Variants in DHX57 observed in about 807,000 individuals in gnomAD.
DHX57 encodes the protein putative ATP-dependent RNA helicase DHX57.
DHX57 carries 105 observed loss-of-function variants against 156.2 expected under a neutral mutation model. That is an observed-to-expected ratio of 0.67 (90% CI 0.57 to 0.79). The LOEUF (loss-of-function observed/expected upper bound fraction) is 0.79. Among genes scored for constraint, DHX57 ranks in the 30% least tolerant of loss-of-function variants. DHX57 has a pLI of 0.00. For missense variants in DHX57, 1,847 were observed against 1,661.9 expected, an observed-to-expected ratio of 1.11 and a Z score of -1.94; for synonymous variants, 704 against 595.6, an observed-to-expected ratio of 1.18 and a Z score of -2.65.
chr2:38,874,318 T>A (rs997658831), intron 1 of DHX57, among the ~76,000 whole-genome samples: 1 of 151,952 alleles, frequency 6.6e-6, no homozygotes. Context: ...CTCGTACTCC[T>A]GAGCTCAAGC....
intron 1 of DHX57, among the ~76,000 whole-genome samples, chr2:38,872,263 A>C (rs1358712249): frequency 6.6e-6 from 1 of 152,256 alleles, no homozygotes; most frequent in Non-Finnish European, 1.5e-5. Flanking sequence ...CTACATTAGA[A>C]AATATTCACT....
rs115018178 is a variant in DHX57, at chr2:38,866,163, A to C, written c.224+2019T>G. On this transcript the variant is annotated intron_variant, in intron 2 of 23. Coordinates refer to ENST00000457308, the MANE Select transcript of DHX57 (RefSeq NM_198963.3). ...TCTGGCCAGACTGACTGATAATATCACACACCCTTGCCTCAAACCCTCCAA... is the reference window on the plus strand; with the variant it reads ...TCTGGCCAGACTGACTGATAATATCCCACACCCTTGCCTCAAACCCTCCAA... Among the ~76,000 whole-genome samples, 561 of 152,310 alleles carry C rather than the reference A, an allele frequency of 3.7e-3. 2 individuals carry two copies. The highest frequency in any genetic ancestry group is 6.0e-3 in the Non-Finnish European group (410 of 68,026).
intron 11 of DHX57, among the ~76,000 whole-genome samples, chr2:38,845,040 T>A (rs1445838387): frequency 6.6e-6 from 1 of 151,768 alleles, no homozygotes; most frequent in Non-Finnish European, 1.5e-5. Flanking sequence ...CTACTAAAAA[T>A]AAAAAAATTA....
At chr2:38,857,552 G>C (rs1672964341) in intron 6 of DHX57, among the ~76,000 whole-genome samples, 2 of 152,004 alleles carry the variant, frequency 1.3e-5, no homozygotes, top group Non-Finnish European at 1.5e-5. Context: ...GATGTTCTTT[G>C]GGTATTGTAC....
intron 12 of DHX57, among the ~76,000 whole-genome samples, chr2:38,838,158 G>C (rs1042410958): frequency 6.6e-6 from 1 of 152,148 alleles, no homozygotes; most frequent in Non-Finnish European, 1.5e-5. Flanking sequence ...GAATGCAGTG[G>C]TGTGATCACA....
chr2:38,860,882 A>T, intron 5 of DHX57, 117 bp downstream of exon 5: 1 of 859,684 alleles, frequency 1.2e-6, no homozygotes, highest in Non-Finnish European at 1.8e-6. Context: ...CTTGGGACTT[A>T]ATGGCTTGTT....
intron 16 of DHX57, among the ~76,000 whole-genome samples, chr2:38,823,732 C>T (rs1670945885): frequency 6.6e-6 from 1 of 152,178 alleles, no homozygotes; most frequent in Admixed American, 6.5e-5. Flanking sequence ...TGCAGAGAGG[C>T]CACGCGCAGT....
chr2:38,853,920 T>G, intron 9 of DHX57, 134 bp downstream of exon 9: 1 of 831,074 alleles, frequency 1.2e-6, no homozygotes, highest in Non-Finnish European at 1.8e-6. Context: ...GTTGCTCTTC[T>G]CTAACATAGG....
intron 13 of DHX57, 63 bp from the exon 14 acceptor site, chr2:38,828,499 T>C: frequency 8.0e-7 from 1 of 1,251,032 alleles, no homozygotes; most frequent in Admixed American, 2.5e-5. Flanking sequence ...ACAAGAAAAA[T>C]TTTTTTAAAA....
chr2:38,868,514 G>A (rs1030916122), intron 1 of DHX57, 103 bp from the exon 2 acceptor site: 4 of 1,170,040 alleles, frequency 3.4e-6, no homozygotes, highest in African/African-American at 3.1e-5. Flanking sequence ...AGAAACAAAG[G>A]AAAATGCATA....
At chr2:38,863,099 G>T in intron 3 of DHX57, 1 of 363,970 alleles carries the variant, frequency 2.7e-6, no homozygotes, top group Non-Finnish European at 5.0e-6. Flanking sequence ...GAAGGTTACA[G>T]ATAAATCAGT....
At chr2:38,842,797 T>G (rs746277969) in intron 12 of DHX57, among the ~76,000 whole-genome samples, 4 of 152,180 alleles carry the variant, frequency 2.6e-5, no homozygotes. Context: ...TCTTTTATAA[T>G]TAGAAAAAAA....
intron 2 of DHX57, among the ~76,000 whole-genome samples, chr2:38,864,711 G>A (rs913523259): frequency 6.6e-6 from 1 of 152,002 alleles, no homozygotes; most frequent in African/African-American, 2.4e-5. Context: ...CCTCCCTTGA[G>A]TGCACATCTC....
At chr2:38,822,963 C>G in intron 17 of DHX57, 30 bp downstream of exon 17, 9 of 1,607,484 alleles carry the variant, frequency 5.6e-6, no homozygotes, top group Non-Finnish European at 7.7e-6. Context: ...CTCTTAGAGA[C>G]TCCAGTTTAG....
Position 38,823,081 on chromosome 2 carries a change from A to G in DHX57, c.3203T>C (p.Ile1068Thr). 1 of 1,614,212 alleles carries G rather than the reference A, an allele frequency of 6.2e-7. No homozygotes were observed. The change falls in exon 17 of 24, where the codon ATT (isoleucine) becomes ACT (threonine). Residue 1068 changes from isoleucine (I) to threonine (T), a missense_variant. Physicochemically the swap from Ile to Thr is moderately conservative, Grantham distance 89 (BLOSUM62 -1). Transcript: ENST00000457308. ...HLASLPVDVRIGKLMLFGSIF... is the reference protein window; with the variant it reads ...HLASLPVDVRTGKLMLFGSIF... Reference sequence around the variant, plus strand: ...AGACCCAAACAACATTAGTTTGCCAATTCTCACATCCACGGGCAGAGAGGC... The same window carrying G: ...AGACCCAAACAACATTAGTTTGCCAGTTCTCACATCCACGGGCAGAGAGGC...
chr2:38,804,065 C>T (rs1669825502), intron 22 of DHX57, among the ~76,000 whole-genome samples: 2 of 152,182 alleles, frequency 1.3e-5, no homozygotes. Context: ...TATAGGCACC[C>T]AGCTACCAAT....
intron 7 of DHX57, among the ~76,000 whole-genome samples, chr2:38,855,877 A>C (rs1212925465): frequency 3.9e-5 from 6 of 152,186 alleles, no homozygotes. Context: ...CAGGCGGATC[A>C]CTTGAGGCCA....
intron 21 of DHX57, chr2:38,810,986 C>A (rs1026891994): frequency 6.3e-6 from 5 of 798,586 alleles, no homozygotes; most frequent in Admixed American, 1.8e-5. Flanking sequence ...TTCACAGGGA[C>A]CCCTTTTTTA....
chr2:38,829,283 A>ATT lies in DHX57; in HGVS notation c.2543-849_2543-848dup, dbSNP rs36057730. On this transcript the variant is annotated intron_variant, in intron 13 of 23. Coordinates refer to ENST00000457308, the MANE Select transcript of DHX57 (RefSeq NM_198963.3). ...AATAAACTTTTTCAGTACACTGGCT[A>ATT]TTTTTTTTTTTTTTTGGAGACAGTG... Among the ~76,000 whole-genome samples the ATT allele has an allele frequency of 9.0e-4, 121 of 134,882 alleles. 2 individuals carry two copies. Among genetic ancestry groups the ATT allele is most frequent in the East Asian group, 1.1e-3 (5 of 4,610 alleles). The allele number at this position is 134,882 out of a possible 152,430, so 88.5% of individuals were successfully genotyped here.
Sources: gnomAD v4.1 joint callset for allele counts (sites outside exome capture counted in the v4.1 genomes callset) on GRCh38, gnomAD v4.1.1 for gene constraint, MANE v1.5 for transcripts, NCBI Gene and HGNC (gene_info 2026-07-23, HGNC 2026-07-21) for gene names.